The following AGO2 variants were observed in gnomAD, a reference collection of about 807,000 sequenced individuals.
AGO2 encodes protein argonaute-2.
AGO2 carries 5 observed loss-of-function variants against 102.3 expected under a neutral mutation model. That is an observed-to-expected ratio of 0.05 (90% CI 0.03 to 0.10). AGO2 has a LOEUF of 0.10. Among genes scored for constraint, AGO2 ranks in the 10% least tolerant of loss-of-function variants. The probability of loss-of-function intolerance (pLI) is 1.00; values close to 1 mark genes in which losing one functional copy is unlikely to be tolerated. For synonymous variants in AGO2, 449 were observed against 473.1 expected, an observed-to-expected ratio of 0.95 and a Z score of 0.66; for missense variants, 541 against 1,183.7, an observed-to-expected ratio of 0.46 and a Z score of 7.97.
intron 1 of AGO2, among the ~76,000 whole-genome samples, chr8:140,621,828 G>A (rs2074220876): frequency 6.6e-6 from 1 of 152,244 alleles, no homozygotes; most frequent in Admixed American, 6.5e-5. Flanking sequence ...TGAACCCTTC[G>A]TGAACTGCTG....
intron 1 of AGO2, among the ~76,000 whole-genome samples, chr8:140,619,213 G>A (rs1487609806): frequency 1.3e-5 from 2 of 152,206 alleles, no homozygotes; most frequent in Non-Finnish European, 2.9e-5. Context: ...TCGCCAAGTC[G>A]CTAGGGATGG....
chr8:140,607,095 C>T (rs575583401), intron 1 of AGO2, among the ~76,000 whole-genome samples: 10 of 151,720 alleles, frequency 6.6e-5, no homozygotes, highest in Admixed American at 3.9e-4. Context: ...ACTAAAAATA[C>T]GAAATTAGCT....
rs59000809 is a variant in AGO2, at chr8:140,614,015, C to CAAAAAAA, written c.22+21463_22+21469dup. Reference sequence around the variant, plus strand: ...TGGGCAACAGAGCAAGACCCTGTCTCAAAAAAAAAAAAAAAAAAAAAAAAA... The same window carrying CAAAAAAA: ...TGGGCAACAGAGCAAGACCCTGTCTCAAAAAAAAAAAAAAAAAAAAAAAAAAAAAAAA... On this transcript the variant is annotated intron_variant, in intron 1 of 18. Transcript: ENST00000220592. Among the ~76,000 whole-genome samples, 84 of 57,630 alleles carry CAAAAAAA rather than the reference C, an allele frequency of 1.5e-3. 4 individuals carry two copies. Among genetic ancestry groups the CAAAAAAA allele is most frequent in the Non-Finnish European group, 2.0e-3 (64 of 32,744 alleles). The allele number at this position is 57,630 out of a possible 152,430, so 37.8% of individuals were successfully genotyped here.
chr8:140,574,255 T>C (rs1174350845), intron 2 of AGO2, among the ~76,000 whole-genome samples: 1 of 151,388 alleles, frequency 6.6e-6, no homozygotes, highest in African/African-American at 2.4e-5. Flanking sequence ...TCTCCTGGCA[T>C]TTCAGGTGCT....
rs953972304 is a variant in AGO2 at position 140,530,644 on chromosome 8, C to G, written c.*1400G>C. The G allele has an allele frequency of 2.0e-5, 3 of 152,288 alleles. No homozygotes were observed. Among genetic ancestry groups the G allele is most frequent in the Non-Finnish European group, 4.4e-5 (3 of 68,078 alleles). The allele number at this position is 152,288 out of a possible 1,614,324, so 9.4% of individuals were successfully genotyped here. A position where few individuals can be genotyped will look rare whatever the true frequency, so the allele number is the denominator to read the frequency against. The stretch of plus-strand genomic sequence containing the variant: ...AAGTCTGGGGCCCCAAATGCAAACC[C>G]CAGAAGAACGGCCCATGCCCTCTGC... On this transcript the variant is annotated 3_prime_UTR_variant, in exon 19 of 19. Transcript: ENST00000220592.
At chr8:140,633,678 T>C (rs999609006) in intron 1 of AGO2, among the ~76,000 whole-genome samples, 5 of 152,182 alleles carry the variant, frequency 3.3e-5, no homozygotes, top group African/African-American at 1.2e-4. Context: ...AGAGACTTCT[T>C]ACTGTGGGTC....
At chr8:140,614,015 CAA>C (rs59000809) in intron 1 of AGO2, among the ~76,000 whole-genome samples, 288 of 57,612 alleles carry the variant, frequency 5.0e-3, no homozygotes, top group East Asian at 8.0e-3. Context: ...GACCCTGTCT[CAA>C]AAAAAAAAAA....
intron 10 of AGO2, among the ~76,000 whole-genome samples, chr8:140,552,948 G>A (rs2073027718): frequency 6.6e-6 from 1 of 152,212 alleles, no homozygotes; most frequent in Admixed American, 6.5e-5. Context: ...ATCATCCCTG[G>A]TCGAGAACTC....
intron 1 of AGO2, among the ~76,000 whole-genome samples, chr8:140,631,479 G>A (rs1294473078): frequency 1.3e-5 from 2 of 151,760 alleles, no homozygotes; most frequent in Non-Finnish European, 2.9e-5. Context: ...GGAGGTTGCA[G>A]TGAGCCAAGA....
At chr8:140,595,959 A>ATAT (rs1259522300) in intron 1 of AGO2, among the ~76,000 whole-genome samples, 5 of 127,256 alleles carry the variant, frequency 3.9e-5, no homozygotes, top group African/African-American at 8.9e-5. Flanking sequence ...TATATATAAT[A>ATAT]TATATAAATT....
At chr8:140,541,449 AAGTGTCCCCACCCTGGAACTC>A in intron 14 of AGO2, 91 bp from the exon 15 acceptor site, 1 of 1,211,482 alleles carries the variant, frequency 8.3e-7, no homozygotes, top group Non-Finnish European at 1.1e-6. Flanking sequence ...TGGGGACGAG[AAGTGTCCCCACCCTGGAACTC>A]ATGTCACTGT....
chr8:140,604,015 G>C (rs1011718104), intron 1 of AGO2, among the ~76,000 whole-genome samples: 1 of 152,232 alleles, frequency 6.6e-6, no homozygotes, highest in African/African-American at 2.4e-5. Context: ...CCATCATCCA[G>C]GCCCATGAAA....
At chr8:140,532,256 AGG>A in intron 18 of AGO2, 104 bp from the exon 19 acceptor site, 1 of 1,398,450 alleles carries the variant, frequency 7.2e-7, no homozygotes, top group Non-Finnish European at 1.0e-6. Context: ...AACCTGGGAG[AGG>A]GAAGAGTCCC....
intron 1 of AGO2, among the ~76,000 whole-genome samples, chr8:140,595,097 C>G (rs780234435): frequency 6.6e-6 from 1 of 152,150 alleles, no homozygotes; most frequent in Non-Finnish European, 1.5e-5. Flanking sequence ...TCTGGTAACT[C>G]AACACCTAGG....
chr8:140,583,141 T>C (rs1296202692), intron 2 of AGO2, among the ~76,000 whole-genome samples: 1 of 152,192 alleles, frequency 6.6e-6, no homozygotes, highest in Non-Finnish European at 1.5e-5. Flanking sequence ...TCCTCCTGCC[T>C]CGGACATCAG....
intron 3 of AGO2, among the ~76,000 whole-genome samples, chr8:140,569,769 C>T (rs1045625312): frequency 4.6e-5 from 7 of 152,178 alleles, no homozygotes; most frequent in Admixed American, 4.6e-4. Context: ...TCTCCCGGGC[C>T]TGGGAGAACT....
chr8:140,581,740 T>G (rs2073560919), intron 2 of AGO2, among the ~76,000 whole-genome samples: 1 of 152,200 alleles, frequency 6.6e-6, no homozygotes, highest in Admixed American at 6.5e-5. Flanking sequence ...ATAGTTTTTG[T>G]TCAGAAATAC....
chr8:140,584,850 G>A (rs886841743), intron 2 of AGO2, among the ~76,000 whole-genome samples: 2 of 152,052 alleles, frequency 1.3e-5, no homozygotes, highest in Non-Finnish European at 2.9e-5. Flanking sequence ...TACATTTGTC[G>A]AAATTCTTCC....
At chr8:140,601,580 G>A (rs780002279) in intron 1 of AGO2, among the ~76,000 whole-genome samples, 7 of 152,120 alleles carry the variant, frequency 4.6e-5, no homozygotes, top group Admixed American at 6.5e-5. Context: ...CCTTTGCTCC[G>A]CAACCATGGC....
Sources: gnomAD v4.1 joint callset for allele counts (sites outside exome capture counted in the v4.1 genomes callset) on GRCh38, gnomAD v4.1.1 for gene constraint, MANE v1.5 for transcripts, NCBI Gene and HGNC (gene_info 2026-07-23, HGNC 2026-07-21) for gene names.